The following CNTNAP5 variants were observed in gnomAD, a reference collection of about 807,000 sequenced individuals.
The protein encoded by CNTNAP5 is contactin associated protein family member 5.
A neutral mutation model predicts 150.2 loss-of-function variants in CNTNAP5; 72 were observed. The observed-to-expected ratio is 0.48, with a 90% confidence interval of 0.40 to 0.58. CNTNAP5 has a LOEUF of 0.58. Among genes scored for constraint, CNTNAP5 ranks in the 20% least tolerant of loss-of-function variants. CNTNAP5 has a pLI of 0.00. For synonymous variants in CNTNAP5, 672 were observed against 619.8 expected (o/e 1.08, Z -1.25); for missense variants, 1,636 against 1,626.2 (o/e 1.01, Z -0.10).
chr2:124,763,138 C>T (rs569997892), intron 14 of CNTNAP5, among the ~76,000 whole-genome samples: 13 of 151,886 alleles, frequency 8.6e-5, no homozygotes, highest in South Asian at 2.1e-4. Context: ...CACTAGCTAC[C>T]GAGATCTTTA....
chr2:124,244,148 C>T (rs1213816826), intron 3 of CNTNAP5, among the ~76,000 whole-genome samples: 1 of 151,948 alleles, frequency 6.6e-6, no homozygotes, highest in Non-Finnish European at 1.5e-5. Flanking sequence ...TCAGCTTAGC[C>T]CCTGGGTTGG....
chr2:124,458,312 TATATAA>T (rs199818292), intron 6 of CNTNAP5, among the ~76,000 whole-genome samples: 1,311 of 98,410 alleles, frequency 0.013, 15 homozygotes, highest in South Asian at 0.069. Context: ...TATATATATA[TATATAA>T]AATGGAATAC....
chr2:124,787,712 T>C (rs569160488), intron 17 of CNTNAP5, among the ~76,000 whole-genome samples: 7 of 151,752 alleles, frequency 4.6e-5, no homozygotes, highest in African/African-American at 9.7e-5. Context: ...TGACCCACCA[T>C]TGGGCCAGTC....
chr2:124,460,956 G>T (rs562226593), intron 6 of CNTNAP5, among the ~76,000 whole-genome samples: 2 of 152,306 alleles, frequency 1.3e-5, no homozygotes, highest in African/African-American at 4.8e-5. Context: ...AAGGAAGCAA[G>T]TAGATGCAAA....
chr2:124,314,774 C>T (rs3738861), intron 3 of CNTNAP5, among the ~76,000 whole-genome samples: 11,260 of 152,144 alleles, frequency 0.074, 502 homozygotes, highest in South Asian at 0.13. Flanking sequence ...TTCATCCATC[C>T]ATCCACTCCT....
At chr2:124,294,795 T>C (rs1173947203) in intron 3 of CNTNAP5, among the ~76,000 whole-genome samples, 2 of 152,230 alleles carry the variant, frequency 1.3e-5, no homozygotes, top group Non-Finnish European at 2.9e-5. Context: ...TATTACTCAG[T>C]ATAATGCATC....
chr2:124,824,347 T>C (rs939624533), intron 19 of CNTNAP5, among the ~76,000 whole-genome samples: 1 of 152,226 alleles, frequency 6.6e-6, no homozygotes, highest in Non-Finnish European at 1.5e-5. Context: ...TTGCTGCTTA[T>C]TCCTCTGCTG....
intron 12 of CNTNAP5, among the ~76,000 whole-genome samples, chr2:124,644,951 T>C (rs991740953): frequency 2.1e-4 from 32 of 152,032 alleles, no homozygotes; most frequent in African/African-American, 7.5e-4. Flanking sequence ...TTATTGTGAG[T>C]ACTGGAGATA....
At chr2:124,039,040 A>G (rs1365402406) in intron 1 of CNTNAP5, among the ~76,000 whole-genome samples, 1 of 152,200 alleles carries the variant, frequency 6.6e-6, no homozygotes, top group African/African-American at 2.4e-5. Context: ...ATTCTAAACC[A>G]TTGTAAATCT....
intron 3 of CNTNAP5, among the ~76,000 whole-genome samples, chr2:124,326,807 A>C (rs963284503): frequency 2.0e-5 from 3 of 151,782 alleles, no homozygotes; most frequent in Non-Finnish European, 4.4e-5. Flanking sequence ...ATAAATACAT[A>C]CATACATACA....
At chr2:124,253,707 T>C (rs1687241434) in intron 3 of CNTNAP5, among the ~76,000 whole-genome samples, 1 of 152,124 alleles carries the variant, frequency 6.6e-6, no homozygotes, top group Non-Finnish European at 1.5e-5. Flanking sequence ...GGGCACTACT[T>C]ATCAGAGTGG....
Position 124,783,497 on chromosome 2 carries a change from G to T in CNTNAP5, c.2753-6405G>T, listed in dbSNP as rs541696714. On this transcript the variant is annotated intron_variant, in intron 17 of 23. Transcript: ENST00000682447. ...CATTTTCAGCTTTTTTCTTTAAAAA[G>T]TGCAATAAAGCCAGTAATAACAATG... Among the ~76,000 whole-genome samples, 182 of 152,114 alleles carry T rather than the reference G, an allele frequency of 1.2e-3. 2 individuals are homozygous for T. In the South Asian group the frequency reaches 0.014, roughly 12 times the overall value.
intron 4 of CNTNAP5, among the ~76,000 whole-genome samples, chr2:124,433,844 T>C (rs1419663498): frequency 6.6e-6 from 1 of 152,242 alleles, no homozygotes; most frequent in Non-Finnish European, 1.5e-5. Flanking sequence ...CTTCACCTTG[T>C]TTTGCTTTGA....
At chr2:124,654,366 T>C (rs1220097840) in intron 13 of CNTNAP5, among the ~76,000 whole-genome samples, 1 of 152,192 alleles carries the variant, frequency 6.6e-6, no homozygotes, top group Non-Finnish European at 1.5e-5. Context: ...TTCATATGAA[T>C]AATTTGCTAA....
intron 3 of CNTNAP5, among the ~76,000 whole-genome samples, chr2:124,316,035 C>T (rs1688950559): frequency 6.6e-6 from 1 of 152,216 alleles, no homozygotes; most frequent in African/African-American, 2.4e-5. Flanking sequence ...AAGAGAACTA[C>T]AGAGACATAG....
At chr2:124,835,506 A>G (rs537410471) in intron 19 of CNTNAP5, among the ~76,000 whole-genome samples, 2 of 152,260 alleles carry the variant, frequency 1.3e-5, no homozygotes, top group East Asian at 1.9e-4. Flanking sequence ...AGTTGCTTGG[A>G]AGTTAGGACC....
chr2:124,900,234 T>C (rs549260749), intron 21 of CNTNAP5, among the ~76,000 whole-genome samples: 1 of 151,704 alleles, frequency 6.6e-6, no homozygotes, highest in South Asian at 2.1e-4. Context: ...GTGGTGAATG[T>C]TGAGTATTTT....
intron 21 of CNTNAP5, among the ~76,000 whole-genome samples, chr2:124,876,634 A>G (rs1314121813): frequency 6.6e-6 from 1 of 152,020 alleles, no homozygotes; most frequent in African/African-American, 2.4e-5. Flanking sequence ...GAACAAGTTT[A>G]TAGCTTCCAA....
At chr2:124,858,601 A>G (rs1677435479) in intron 19 of CNTNAP5, among the ~76,000 whole-genome samples, 1 of 152,232 alleles carries the variant, frequency 6.6e-6, no homozygotes, top group Non-Finnish European at 1.5e-5. Context: ...AAGAATCAAT[A>G]TCGTGAAAAT....
Sources: gnomAD v4.1 joint callset for allele counts (sites outside exome capture counted in the v4.1 genomes callset) on GRCh38, gnomAD v4.1.1 for gene constraint, MANE v1.5 for transcripts, NCBI Gene and HGNC (gene_info 2026-07-23, HGNC 2026-07-21) for gene names.